SH3BP5: variants seen among roughly 807,000 people sequenced by gnomAD.
SH3BP5 encodes the protein SH3 domain-binding protein 5.
In SH3BP5, 22 loss-of-function variants were observed where a neutral mutation model predicts 43.3. The ratio of observed to expected loss-of-function variants is 0.51; its 90% confidence interval spans 0.36 to 0.73. The LOEUF is 0.73. SH3BP5 is among the 30% of genes least tolerant of loss of function. The pLI is 0.00. For synonymous variants in SH3BP5, 255 were observed against 225.8 expected (o/e 1.13, Z -1.16); for missense variants, 529 against 586.9 (o/e 0.90, Z 1.02).
At chr3:15,256,733 A>G (rs1228639218) in intron 8 of SH3BP5, 120 bp downstream of exon 8, 3 of 1,195,420 alleles carry the variant, frequency 2.5e-6, no homozygotes, top group Non-Finnish European at 3.5e-6. Flanking sequence ...CAGCACAACC[A>G]CAGAGACCTG....
At chr3:15,283,145 C>G (rs938884890) in intron 3 of SH3BP5, among the ~76,000 whole-genome samples, 23 of 152,210 alleles carry the variant, frequency 1.5e-4, no homozygotes, top group Admixed American at 1.1e-3. Context: ...CGCCTGTAAT[C>G]TCAGCACTTT....
intron 1 of SH3BP5, among the ~76,000 whole-genome samples, chr3:15,338,738 A>T (rs1698730872): frequency 1.3e-5 from 2 of 151,612 alleles, no homozygotes; most frequent in African/African-American, 4.9e-5. Flanking sequence ...AAAAAAAAAA[A>T]CCTAAACATG....
chr3:15,318,285 T>C (rs1698232487), intron 2 of SH3BP5, among the ~76,000 whole-genome samples: 1 of 152,188 alleles, frequency 6.6e-6, no homozygotes. Context: ...TGGACATATA[T>C]GCCAGGTACC....
At chr3:15,293,934 C>T (rs924915780) in intron 3 of SH3BP5, among the ~76,000 whole-genome samples, 1 of 151,784 alleles carries the variant, frequency 6.6e-6, no homozygotes, top group Admixed American at 6.6e-5. Flanking sequence ...AAAAATTAGC[C>T]TGGTGTGGTG....
intron 3 of SH3BP5, among the ~76,000 whole-genome samples, chr3:15,297,269 A>G (rs2125102750): frequency 6.6e-6 from 1 of 152,052 alleles, no homozygotes; most frequent in African/African-American, 2.4e-5. Flanking sequence ...GCCCTCACAA[A>G]TAACTCACTA....
In SH3BP5 at chr3:15,256,003, A is replaced by T. The variant is rs919913772; in HGVS notation, c.*83T>A. The T allele has an allele frequency of 6.3e-6, 7 of 1,115,536 alleles. No individual in the cohort carries two copies. In the African/African-American group the frequency reaches 1.1e-4, roughly 17 times the overall value. The allele number at this position is 1,115,536 out of a possible 1,614,324, so 69.1% of individuals were successfully genotyped here. A position where few individuals can be genotyped will look rare whatever the true frequency, so the allele number is the denominator to read the frequency against. ...TTAGAGTAGACGTGTAAGATTTGGC[A>T]TATATTAAATGATTATTGGCACAAT... On this transcript the variant is annotated 3_prime_UTR_variant, in exon 9 of 9. Transcript: ENST00000383791.
At chr3:15,322,157 C>T (rs2125135638) in intron 2 of SH3BP5, among the ~76,000 whole-genome samples, 1 of 151,940 alleles carries the variant, frequency 6.6e-6, no homozygotes, top group African/African-American at 2.4e-5. Context: ...GAGCCAAGAT[C>T]ATGCCACTGC....
intron 2 of SH3BP5, among the ~76,000 whole-genome samples, chr3:15,329,552 C>A (rs1182110452): frequency 6.6e-6 from 1 of 152,202 alleles, no homozygotes; most frequent in East Asian, 1.9e-4. Flanking sequence ...TTTGGTAACT[C>A]CAGGGCCTAC....
At chr3:15,320,605 A>AACACACACACACAAAC (rs1698298726) in intron 2 of SH3BP5, among the ~76,000 whole-genome samples, 2 of 126,860 alleles carry the variant, frequency 1.6e-5, no homozygotes, top group Non-Finnish European at 3.3e-5. Context: ...ATCCAGCCAA[A>AACACACACACACAAAC]ACACACACAC....
intron 3 of SH3BP5, among the ~76,000 whole-genome samples, chr3:15,293,293 C>T (rs1282254758): frequency 6.6e-6 from 1 of 152,240 alleles, no homozygotes. Flanking sequence ...TGACCAGGGC[C>T]ACAGGGAAGA....
chr3:15,260,115 C>A (rs938274674), intron 5 of SH3BP5: 3 of 412,582 alleles, frequency 7.3e-6, no homozygotes, highest in African/African-American at 4.1e-5. Flanking sequence ...GAAGGCTGTT[C>A]AGAGCCTCAC....
chr3:15,278,222 CG>C (rs1697025363), intron 3 of SH3BP5, among the ~76,000 whole-genome samples: 1 of 152,222 alleles, frequency 6.6e-6, no homozygotes, highest in Non-Finnish European at 1.5e-5. Context: ...ACCCCTCCCC[CG>C]GCTAGAAGCT....
chr3:15,313,026 C>T (rs918452127), intron 2 of SH3BP5, among the ~76,000 whole-genome samples: 1 of 152,190 alleles, frequency 6.6e-6, no homozygotes, highest in South Asian at 2.1e-4. Flanking sequence ...GGTGGATCAC[C>T]TGAGGTCAGG....
chr3:15,330,828 G>T, intron 1 of SH3BP5: 1 of 781,376 alleles, frequency 1.3e-6, no homozygotes, highest in South Asian at 5.8e-5. Flanking sequence ...AACTATTCCA[G>T]GTACATGCCT....
chr3:15,337,090 T>G (rs967370094), upstream of SH3BP5, among the ~76,000 whole-genome samples: 13 of 131,920 alleles, frequency 9.9e-5, no homozygotes, highest in Non-Finnish European at 1.7e-4. Flanking sequence ...TTTAGTTTTT[T>G]TTTTTTTTTT....
At chr3:15,340,024 C>T (rs145096054) in intron 1 of SH3BP5, among the ~76,000 whole-genome samples, 26 of 152,078 alleles carry the variant, frequency 1.7e-4, no homozygotes, top group Non-Finnish European at 3.1e-4. Context: ...TTCTGTGTCC[C>T]GAGAAGAAAA....
intron 3 of SH3BP5, among the ~76,000 whole-genome samples, chr3:15,298,916 T>C (rs1258577702): frequency 2.6e-5 from 4 of 151,962 alleles, no homozygotes; most frequent in African/African-American, 4.8e-5. Flanking sequence ...GCATTCACAA[T>C]GTGAATGCCT....
At position 15,277,335 on chromosome 3, in the gene SH3BP5, G is replaced by A. The variant is rs111267282; in HGVS notation, c.331-7458C>T. Among the ~76,000 whole-genome samples the A allele has an allele frequency of 1.1e-4, 17 of 152,296 alleles. 1 individual carries two copies. Among genetic ancestry groups the A allele is most frequent in the African/African-American group, 4.1e-4 (17 of 41,540 alleles). On this transcript the variant is annotated intron_variant, in intron 3 of 8. Coordinates refer to ENST00000383791, the MANE Select transcript of SH3BP5 (RefSeq NM_004844.5). ...GCAAACTCCTGACAAAGAAGTACCA[G>A]TCAAGGCAGCGCAGCCTTAGCTCTC... is the stretch of plus-strand genomic sequence containing the variant.
chr3:15,283,776 C>A (rs1308484995), intron 3 of SH3BP5, among the ~76,000 whole-genome samples: 1 of 152,192 alleles, frequency 6.6e-6, no homozygotes, highest in African/African-American at 2.4e-5. Context: ...AAACTGCAGG[C>A]ACCTGGATAA....
Sources: gnomAD v4.1 joint callset for allele counts (sites outside exome capture counted in the v4.1 genomes callset) on GRCh38, gnomAD v4.1.1 for gene constraint, MANE v1.5 for transcripts, NCBI Gene and HGNC (gene_info 2026-07-23, HGNC 2026-07-21) for gene names.